The following GRAMD1B variants were observed in gnomAD, a reference collection of about 807,000 sequenced individuals.
GRAMD1B encodes GRAM domain containing 1B.
In GRAMD1B, 37 loss-of-function variants were observed where a neutral mutation model predicts 99.7. The observed-to-expected ratio is 0.37, with a 90% CI of 0.29 to 0.49. The LOEUF is 0.49. Ranked by LOEUF, GRAMD1B falls within the 20% of genes least tolerant of loss-of-function variation. The probability of loss-of-function intolerance (pLI) is 0.98; values close to 1 mark genes in which losing one functional copy is unlikely to be tolerated. For missense variants in GRAMD1B, 888 were observed against 1,009.2 expected, an observed-to-expected ratio of 0.88 and a Z score of 1.63; for synonymous variants, 427 against 387.6, an observed-to-expected ratio of 1.10 and a Z score of -1.19.
At chr11:123,455,982 C>A (rs1950099795) in intron 1 of GRAMD1B, among the ~76,000 whole-genome samples, 1 of 152,006 alleles carries the variant, frequency 6.6e-6, no homozygotes, top group African/African-American at 2.4e-5. Flanking sequence ...CCAGCCTGAC[C>A]AACATGGTGA....
rs1402161126 is a variant in GRAMD1B at position 123,431,105 on chromosome 11, A to C, written c.313A>C (p.Lys105Gln). 1.4e-6 allele frequency: 1 copy of C among 703,042 alleles called. No individual in the cohort carries two copies. The highest frequency in any genetic ancestry group is 2.0e-5 in the Admixed American group (1 of 50,024). 43.6% of individuals were successfully genotyped at this position (703,042 alleles called of 1,614,324 possible). A position where few individuals can be genotyped will look rare whatever the true frequency, so the allele number is the denominator to read the frequency against. The change falls in exon 1 of 20, where the codon AAA becomes CAA. Residue 105 changes from lysine to glutamine, a missense_variant. Physicochemically the swap from Lys to Gln is moderately conservative, Grantham distance 53. Around this residue, in one of 5 missense-constraint regions of GRAMD1B, gnomAD observed 233 missense variants for 154.6 expected, o/e 1.51. Transcript: ENST00000635736. ...CACACCCAGCGCGTCCCCGCGCCGA[A>C]AACGCTTCCTCCTCCGCAAGTGGCT... ...CSTPSASPRR[K>Q]RFLLRKWLRV...
chr11:123,597,919 A>G, intron 7 of GRAMD1B: 1 of 1,032,170 alleles, frequency 9.7e-7, no homozygotes, highest in South Asian at 1.3e-5. Context: ...GGCTAGCCCC[A>G]AAGCTGAGCT....
rs1950228948 is a variant in GRAMD1B, at chr11:123,587,950, A to G, written c.684+3618A>G. Among the ~76,000 whole-genome samples the G allele has an allele frequency of 6.6e-6, 1 of 151,832 alleles. No individual in the cohort carries two copies. Among genetic ancestry groups the G allele is most frequent in the Non-Finnish European group, 1.5e-5 (1 of 67,962 alleles). On this transcript the variant is annotated intron_variant, in intron 4 of 19. Coordinates refer to ENST00000635736, the MANE Select transcript of GRAMD1B (RefSeq NM_001387025.1). The surrounding 1 kb of genome is among the most constrained non-coding windows in gnomAD (Gnocchi z 4.2). ...CCCTCTCTATTTACTCCCAACTTGAAGGGTCTTCCTGCCTCCCTTCCTGAG... is the reference window on the plus strand; with the variant it reads ...CCCTCTCTATTTACTCCCAACTTGAGGGGTCTTCCTGCCTCCCTTCCTGAG...
At chr11:123,444,510 C>T (rs1198383879) in intron 1 of GRAMD1B, among the ~76,000 whole-genome samples, 1 of 151,962 alleles carries the variant, frequency 6.6e-6, no homozygotes, top group East Asian at 1.9e-4. Flanking sequence ...TAAAGCTGGT[C>T]AGTTGTGCCT....
intron 1 of GRAMD1B, among the ~76,000 whole-genome samples, chr11:123,404,547 C>A (rs1947787202): frequency 6.6e-6 from 1 of 152,114 alleles, no homozygotes; most frequent in African/African-American, 2.4e-5. Flanking sequence ...TAAATGAGAG[C>A]CAGAGATGTT....
intron 1 of GRAMD1B, among the ~76,000 whole-genome samples, chr11:123,391,218 A>G (rs1947265795): frequency 6.6e-6 from 1 of 152,164 alleles, no homozygotes; most frequent in East Asian, 1.9e-4. Context: ...CTATTTTAAA[A>G]ATAAAATTGA....
chr11:123,526,093 C>T lies in GRAMD1B; in HGVS notation c.452+45200C>T, dbSNP rs372349140. 5.7e-5 allele frequency: 87 copies of T among 1,521,074 alleles called. 1 individual carries two copies. Among genetic ancestry groups the T allele is most frequent in the Middle Eastern group, 3.4e-4 (2 of 5,892 alleles). 94.2% of individuals were successfully genotyped at this position (1,521,074 alleles called of 1,614,324 possible). On this transcript the variant is annotated intron_variant, in intron 2 of 19. Coordinates refer to ENST00000635736, the MANE Select transcript of GRAMD1B (RefSeq NM_001387025.1). ...CTTTTCCAATATGTCCTGGGACCTC[C>T]GGAGCTGTAACGGGGATGCTAAGGA...
At chr11:123,426,351 A>G (rs530387722), upstream of GRAMD1B, among the ~76,000 whole-genome samples, 68 of 152,296 alleles carry the variant, frequency 4.5e-4, no homozygotes, top group South Asian at 1.5e-3. Context: ...GTAAATGTTT[A>G]TCATCTATCC....
At chr11:123,363,882 C>T (rs1430512338) in intron 1 of GRAMD1B, among the ~76,000 whole-genome samples, 3 of 152,120 alleles carry the variant, frequency 2.0e-5, no homozygotes, top group Non-Finnish European at 4.4e-5. Context: ...TTCCTTAAGT[C>T]CCAGAAGATT....
At chr11:123,602,301 A>AATT (rs4063750) in intron 8 of GRAMD1B, among the ~76,000 whole-genome samples, 18,204 of 150,290 alleles carry the variant, frequency 0.12, 1,289 homozygotes, top group East Asian at 0.25. Flanking sequence ...GGAGCTCTCA[A>AATT]ATTATTATTA....
chr11:123,539,340 G>A (rs941227273), intron 2 of GRAMD1B, among the ~76,000 whole-genome samples: 21 of 152,054 alleles, frequency 1.4e-4, no homozygotes, highest in Admixed American at 1.3e-3. Flanking sequence ...GGTGGCTCAC[G>A]CCTGTAATCT....
chr11:123,536,680 C>A (rs1315100568), intron 2 of GRAMD1B, among the ~76,000 whole-genome samples: 2 of 152,130 alleles, frequency 1.3e-5, no homozygotes, highest in Non-Finnish European at 2.9e-5. Context: ...TAGGTGGGGC[C>A]AGCGAGTTCT....
chr11:123,415,657 A>G (rs1297352279), intron 1 of GRAMD1B, among the ~76,000 whole-genome samples: 2 of 151,806 alleles, frequency 1.3e-5, no homozygotes, highest in African/African-American at 4.8e-5. Flanking sequence ...TTAGGTTCTC[A>G]GACACTCTTT....
At chr11:123,456,261 T>C (rs562404354) in intron 1 of GRAMD1B, among the ~76,000 whole-genome samples, 22 of 152,214 alleles carry the variant, frequency 1.4e-4, no homozygotes, top group Non-Finnish European at 2.2e-4. Flanking sequence ...TTATCCTTCT[T>C]GTCAGCAGAA....
intron 4 of GRAMD1B, 27 bp downstream of exon 4, chr11:123,584,359 TG>T: frequency 9.1e-7 from 1 of 1,095,914 alleles, no homozygotes; most frequent in Non-Finnish European, 1.3e-6. Context: ...CCCTTCTTGT[TG>T]GGTACCTGAG....
At chr11:123,390,725 T>C (rs2135851132) in intron 1 of GRAMD1B, among the ~76,000 whole-genome samples, 1 of 152,380 alleles carries the variant, frequency 6.6e-6, no homozygotes, top group South Asian at 2.1e-4. Context: ...GCAGGATTGA[T>C]AATTTCTGTC....
chr11:123,510,208 CCTT>C lies in GRAMD1B; in HGVS notation c.452+29318_452+29320del, dbSNP rs1161395650. On this transcript the variant is annotated intron_variant, in intron 2 of 19. Transcript: ENST00000635736. This position sits in a 1 kb window ranked among gnomAD's most constrained non-coding sequence, Gnocchi z 4.3. ...CCGCCTGCCCGCCACCAGCTGCTGA[CCTT>C]CTCCCTTCCTGCTCCCCCCGGCTCT... Among the ~76,000 whole-genome samples the C allele has an allele frequency of 2.0e-5, 3 of 152,138 alleles. No homozygotes were observed. The highest frequency in any genetic ancestry group is 4.4e-5 in the Non-Finnish European group (3 of 68,022).
intron 1 of GRAMD1B, among the ~76,000 whole-genome samples, chr11:123,371,834 C>G (rs1946539141): frequency 6.6e-6 from 1 of 152,148 alleles, no homozygotes; most frequent in South Asian, 2.1e-4. Context: ...CTGTCCTTAC[C>G]CCAGGCTCAG....
chr11:123,413,834 C>T (rs973156441), intron 1 of GRAMD1B, among the ~76,000 whole-genome samples: 6 of 152,058 alleles, frequency 3.9e-5, no homozygotes, highest in East Asian at 1.9e-4. Context: ...GTAGCCCTTG[C>T]GCAAGAATGA....
Sources: gnomAD v4.1 joint callset for allele counts (sites outside exome capture counted in the v4.1 genomes callset) on GRCh38, gnomAD v4.1.1 for gene constraint, gnomAD v4.1.1 regional missense constraint, Gnocchi (gnomAD v3.1) non-coding constraint, MANE v1.5 for transcripts, NCBI Gene and HGNC (gene_info 2026-07-23, HGNC 2026-07-21) for gene names.